EDA: variants seen among roughly 807,000 people sequenced by gnomAD.
The protein encoded by EDA is ectodysplasin A.
In EDA, 2 loss-of-function variants were observed where a neutral mutation model predicts 23.6. The observed-to-expected ratio is 0.08, with a 90% CI of 0.03 to 0.27. The LOEUF (loss-of-function observed/expected upper bound fraction) is 0.27. EDA is among the 10% of genes least tolerant of loss of function. The probability of loss-of-function intolerance (pLI) is 1.00; values close to 1 mark genes in which losing one functional copy is unlikely to be tolerated. For missense variants in EDA, 229 were observed against 324.2 expected (o/e 0.71, Z 2.26); for synonymous variants, 131 against 132.0 (o/e 0.99, Z 0.05).
intron 1 of EDA, among the ~76,000 whole-genome samples, chrX:69,825,465 G>A (rs1161579792): frequency 4.5e-5 from 5 of 110,964 alleles, no homozygotes; most frequent in Non-Finnish European, 9.5e-5. Flanking sequence ...ATTTCTTCTA[G>A]ATTTTCTAGT....
chrX:69,893,561 G>T (rs1345240455), intron 1 of EDA, among the ~76,000 whole-genome samples: 1 of 112,038 alleles, frequency 8.9e-6, no homozygotes, highest in Non-Finnish European at 1.9e-5. Context: ...ACTATTTTAT[G>T]TTGCTCTTTT....
chrX:69,987,491 G>A (rs1198687513), intron 2 of EDA, among the ~76,000 whole-genome samples: 5 of 108,869 alleles, frequency 4.6e-5, no homozygotes, highest in African/African-American at 1.7e-4. Flanking sequence ...AAGAACAAGT[G>A]GTCAGCTCCC....
chrX:69,744,957 G>T (rs1023948904), intron 1 of EDA, among the ~76,000 whole-genome samples: 1 of 111,495 alleles, frequency 9.0e-6, no homozygotes, highest in Admixed American at 9.6e-5. Flanking sequence ...CTGAAGTCAC[G>T]TCCAGGTAGC....
intron 1 of EDA, among the ~76,000 whole-genome samples, chrX:69,782,627 G>A (rs2014989661): frequency 9.0e-6 from 1 of 111,544 alleles, no homozygotes; most frequent in East Asian, 2.8e-4. Flanking sequence ...AAGTGTCTCA[G>A]TGATAGAGTT....
chrX:69,690,022 A>G (rs1934664634), intron 1 of EDA, among the ~76,000 whole-genome samples: 1 of 105,407 alleles, frequency 9.5e-6, no homozygotes, highest in Admixed American at 1.1e-4. Flanking sequence ...TATACTGCAA[A>G]CTTGCTAAAC....
chrX:69,710,615 A>T (rs977270700), intron 1 of EDA, among the ~76,000 whole-genome samples: 1 of 111,665 alleles, frequency 9.0e-6, no homozygotes, highest in African/African-American at 3.3e-5. Context: ...AATTCTTCCT[A>T]CCCATGAGCA....
chrX:69,674,838 A>C (rs1934023651), intron 1 of EDA, among the ~76,000 whole-genome samples: 1 of 111,571 alleles, frequency 9.0e-6, no homozygotes. Flanking sequence ...ATACTAATTT[A>C]CTACCACCTT....
intron 1 of EDA, among the ~76,000 whole-genome samples, chrX:69,670,644 A>G (rs1179785528): frequency 9.3e-6 from 1 of 107,712 alleles, no homozygotes; most frequent in Non-Finnish European, 1.9e-5. Flanking sequence ...AAAAACCACC[A>G]TCTTCAGGTT....
chrX:69,630,698 T>C (rs1233780797), intron 1 of EDA, among the ~76,000 whole-genome samples: 1 of 112,581 alleles, frequency 8.9e-6, no homozygotes, highest in East Asian at 2.8e-4. Context: ...GTAAAACTTT[T>C]TTTCTAATTA....
intron 1 of EDA, among the ~76,000 whole-genome samples, chrX:69,770,262 T>C (rs2014590432): frequency 8.9e-6 from 1 of 111,972 alleles, no homozygotes; most frequent in African/African-American, 3.2e-5. Context: ...AAGAGTGCAA[T>C]TGATGGATTG....
chrX:69,855,262 C>T (rs182584093), intron 1 of EDA, among the ~76,000 whole-genome samples: 1 of 112,028 alleles, frequency 8.9e-6, no homozygotes, highest in African/African-American at 3.2e-5. Context: ...GTTGCCTGTT[C>T]ACTCGGTTGA....
chrX:69,697,059 A>AC (rs2011372142), intron 1 of EDA, among the ~76,000 whole-genome samples: 1 of 111,326 alleles, frequency 9.0e-6, no homozygotes, highest in Non-Finnish European at 1.9e-5. Context: ...ATTGGTTCGA[A>AC]CCCCAGGAGC....
At chrX:69,922,434 G>A (rs1396203089) in intron 1 of EDA, among the ~76,000 whole-genome samples, 2 of 112,038 alleles carry the variant, frequency 1.8e-5, no homozygotes, top group East Asian at 2.8e-4. Context: ...GTGAATGAGG[G>A]TTCCTGTTAC....
chrX:69,618,414 T>A (rs1323583184), intron 1 of EDA, among the ~76,000 whole-genome samples: 10 of 112,082 alleles, frequency 8.9e-5, no homozygotes, highest in Non-Finnish European at 1.9e-4. Flanking sequence ...CTTTTATTCT[T>A]TCTGTTTTAA....
At chrX:69,876,891 TA>T (rs2017654120) in intron 1 of EDA, among the ~76,000 whole-genome samples, 1 of 112,947 alleles carries the variant, frequency 8.9e-6, no homozygotes, top group South Asian at 3.6e-4. Flanking sequence ...AAAACTGTTA[TA>T]AACATTTATT....
chrX:69,934,700 CA>C (rs2018646703), intron 1 of EDA, among the ~76,000 whole-genome samples: 2 of 111,650 alleles, frequency 1.8e-5, no homozygotes, highest in Non-Finnish European at 3.8e-5. Context: ...TACAGGCACA[CA>C]ATGTGTAATA....
intron 1 of EDA, among the ~76,000 whole-genome samples, chrX:69,924,020 G>T (rs972531195): frequency 3.6e-5 from 4 of 110,757 alleles, no homozygotes; most frequent in African/African-American, 6.5e-5. Flanking sequence ...GATTGGGGTT[G>T]TTTTTTTCTT....
intron 1 of EDA, among the ~76,000 whole-genome samples, chrX:69,733,065 A>G (rs1045818984): frequency 1.9e-5 from 2 of 107,645 alleles, no homozygotes; most frequent in South Asian, 4.2e-4. Flanking sequence ...CTTCACTCTG[A>G]TAGTAGTTTC....
chrX:69,745,032 G>A (rs778458275), intron 1 of EDA, among the ~76,000 whole-genome samples: 3 of 111,685 alleles, frequency 2.7e-5, no homozygotes, highest in Non-Finnish European at 5.6e-5. Context: ...TCAATGGATA[G>A]AGAGAAGGTA....
Sources: gnomAD v4.1 joint callset for allele counts (sites outside exome capture counted in the v4.1 genomes callset) on GRCh38, gnomAD v4.1.1 for gene constraint, MANE v1.5 for transcripts, NCBI Gene and HGNC (gene_info 2026-07-23, HGNC 2026-07-21) for gene names.